The following RGS7BP variants were observed in gnomAD, a reference collection of about 807,000 sequenced individuals.
RGS7BP encodes regulator of G protein signaling 7-binding protein.
In RGS7BP, 9 loss-of-function variants were observed where a neutral mutation model predicts 31.3. The observed-to-expected ratio is 0.29, with a 90% CI of 0.17 to 0.50. The LOEUF is 0.50. Among genes scored for constraint, RGS7BP ranks in the 20% least tolerant of loss-of-function variants. RGS7BP has a pLI of 0.98. For missense variants in RGS7BP, 274 were observed against 322.0 expected (o/e 0.85, Z 1.14); for synonymous variants, 115 against 120.1 (o/e 0.96, Z 0.28).
chr5:64,541,762 G>GT (rs1030655878), intron 2 of RGS7BP, among the ~76,000 whole-genome samples: 27 of 150,444 alleles, frequency 1.8e-4, no homozygotes, highest in African/African-American at 5.9e-4. Context: ...TTTTTTCAGT[G>GT]TTTTTTTTTA....
intron 2 of RGS7BP, among the ~76,000 whole-genome samples, chr5:64,560,815 T>A (rs1211035682): frequency 6.6e-6 from 1 of 152,084 alleles, no homozygotes; most frequent in Non-Finnish European, 1.5e-5. Flanking sequence ...AGTCTCACAT[T>A]CCCAGTAAAA....
At chr5:64,588,321 T>C (rs1561345388) in intron 3 of RGS7BP, among the ~76,000 whole-genome samples, 1 of 152,222 alleles carries the variant, frequency 6.6e-6, no homozygotes, top group Non-Finnish European at 1.5e-5. Context: ...GGATGTTTAT[T>C]TAGGAAATGC....
chr5:64,594,885 TG>T, intron 4 of RGS7BP, 28 bp downstream of exon 4: 1 of 1,609,924 alleles, frequency 6.2e-7, no homozygotes, highest in Non-Finnish European at 8.5e-7. Flanking sequence ...CTGAATAGAC[TG>T]CCAATCCTCC....
Position 64,565,110 on chromosome 5 carries a change from C to T in RGS7BP, c.333-10664C>T, listed in dbSNP as rs139677240. 3.4e-3 allele frequency among the ~76,000 whole-genome samples: 521 copies of T among 152,122 alleles called. 2 individuals carry two copies. Among genetic ancestry groups the T allele is most frequent in the African/African-American group, 0.012 (493 of 41,512 alleles). On this transcript the variant is annotated intron_variant, in intron 2 of 5. Transcript: ENST00000334025. ...GCATCTGAATGCATTAATCTTTTTC[C>T]GTACATAACCATACTGGAGACTTTA...
chr5:64,538,931 TGC>T (rs1741455022), intron 2 of RGS7BP, among the ~76,000 whole-genome samples: 1 of 152,194 alleles, frequency 6.6e-6, no homozygotes, highest in Admixed American at 6.5e-5. Context: ...CATTGTTGAA[TGC>T]ACATTCTTTT....
In RGS7BP at chr5:64,530,053, G is replaced by C. The variant is rs115822674; in HGVS notation, c.332+22176G>C. Among the ~76,000 whole-genome samples, 646 of 152,264 alleles carry C rather than the reference G, an allele frequency of 4.2e-3. 5 individuals carry two copies. Among genetic ancestry groups the C allele is most frequent in the African/African-American group, 0.015 (603 of 41,548 alleles). ...TTAGTAGAAGCCAAAGTGTTCAGAT[G>C]GTATCTTTGAAGGATCACCAGGTCA... is the stretch of plus-strand genomic sequence containing the variant. On this transcript the variant is annotated intron_variant, in intron 2 of 5. Coordinates refer to ENST00000334025, the MANE Select transcript of RGS7BP (RefSeq NM_001029875.3).
chr5:64,537,949 G>A (rs1312444321), intron 2 of RGS7BP, among the ~76,000 whole-genome samples: 1 of 152,080 alleles, frequency 6.6e-6, no homozygotes, highest in African/African-American at 2.4e-5. Context: ...GAAAGAAAGA[G>A]GAAAGAACTC....
At chr5:64,524,573 A>G (rs1319378702) in intron 2 of RGS7BP, among the ~76,000 whole-genome samples, 1 of 152,174 alleles carries the variant, frequency 6.6e-6, no homozygotes. Context: ...CAACATCAAC[A>G]TTTTAAACAT....
intron 3 of RGS7BP, among the ~76,000 whole-genome samples, chr5:64,587,210 T>C (rs1347872150): frequency 6.6e-6 from 1 of 152,048 alleles, no homozygotes; most frequent in Non-Finnish European, 1.5e-5. Context: ...CCATTTCTAA[T>C]AGTAAGAGGA....
chr5:64,562,602 C>T (rs900978451), intron 2 of RGS7BP, among the ~76,000 whole-genome samples: 1 of 152,118 alleles, frequency 6.6e-6, no homozygotes, highest in African/African-American at 2.4e-5. Context: ...GAAGTGTGAA[C>T]TCCCACAGTC....
At chr5:64,558,224 C>T (rs1741971685) in intron 2 of RGS7BP, among the ~76,000 whole-genome samples, 1 of 152,144 alleles carries the variant, frequency 6.6e-6, no homozygotes, top group African/African-American at 2.4e-5. Flanking sequence ...ACATTTTTCT[C>T]TCCACGTGTT....
chr5:64,575,835 T>C lies in RGS7BP; in HGVS notation c.394T>C (p.Leu132=). ...CRLYIQLQCC[L]EMYTTEMLKS... The stretch of plus-strand genomic sequence containing the variant: ...GCTTTACATCCAGCTGCAGTGCTGC[T>C]TAGAAATGTATACCACAGAGATGCT... The change falls in exon 3 of 6, where the codon TTA becomes CTA. Residue 132 remains leucine, a synonymous_variant. Coordinates refer to ENST00000334025, the MANE Select transcript of RGS7BP (RefSeq NM_001029875.3). The C allele has an allele frequency of 6.2e-7, 1 of 1,613,660 alleles. No individual in the cohort carries two copies. Among genetic ancestry groups the C allele is most frequent in the Non-Finnish European group, 8.5e-7 (1 of 1,179,728 alleles).
chr5:64,530,594 C>T (rs1749345181), intron 2 of RGS7BP, among the ~76,000 whole-genome samples: 1 of 152,206 alleles, frequency 6.6e-6, no homozygotes. Context: ...GGCCACTATA[C>T]TTTCCACTGT....
At chr5:64,568,410 G>A (rs1431392901) in intron 2 of RGS7BP, among the ~76,000 whole-genome samples, 2 of 152,150 alleles carry the variant, frequency 1.3e-5, no homozygotes, top group South Asian at 2.1e-4. Flanking sequence ...GCCAAAAAGT[G>A]TAGGAAGGTG....
chr5:64,592,294 G>A (rs1448623050), intron 3 of RGS7BP, among the ~76,000 whole-genome samples: 5 of 152,054 alleles, frequency 3.3e-5, no homozygotes, highest in Non-Finnish European at 1.5e-5. Context: ...CAACATTCAC[G>A]GTTTCCATTC....
At chr5:64,555,484 G>C (rs985787135) in intron 2 of RGS7BP, among the ~76,000 whole-genome samples, 2 of 152,088 alleles carry the variant, frequency 1.3e-5, no homozygotes, top group Non-Finnish European at 2.9e-5. Context: ...ATGCAAAAAT[G>C]TTTTAATGCT....
intron 2 of RGS7BP, among the ~76,000 whole-genome samples, chr5:64,531,949 T>C (rs942375798): frequency 6.6e-6 from 1 of 152,236 alleles, no homozygotes; most frequent in Non-Finnish European, 1.5e-5. Flanking sequence ...TATCCTTTAG[T>C]TTCCTACCTG....
intron 5 of RGS7BP, among the ~76,000 whole-genome samples, chr5:64,605,015 A>G (rs1743317413): frequency 6.6e-6 from 1 of 152,088 alleles, no homozygotes; most frequent in Admixed American, 6.6e-5. Context: ...CCAAAAATAA[A>G]TAAAATTTTT....
chr5:64,605,334 A>C (rs1472618978), intron 5 of RGS7BP, among the ~76,000 whole-genome samples: 2 of 152,180 alleles, frequency 1.3e-5, no homozygotes, highest in Admixed American at 1.3e-4. Flanking sequence ...ATGAGTGGGG[A>C]AACATTCCCT....
Sources: allele counts gnomAD v4.1 joint callset (sites outside exome capture counted in the v4.1 genomes callset), GRCh38; gene constraint gnomAD v4.1.1; transcripts MANE v1.5; gene names NCBI Gene and HGNC (gene_info 2026-07-23, HGNC 2026-07-21).